The following CENPN variants were observed in gnomAD, a reference collection of about 807,000 sequenced individuals.
The protein encoded by CENPN is centromere protein N.
A neutral mutation model predicts 48.6 loss-of-function variants in CENPN; 36 were observed. The observed-to-expected ratio is 0.74, with a 90% CI of 0.57 to 0.98. CENPN has a LOEUF of 0.98. CENPN is among the 50% of genes least tolerant of loss of function. The probability of loss-of-function intolerance (pLI) is 0.00; values close to 1 mark genes in which losing one functional copy is unlikely to be tolerated. For synonymous variants in CENPN, 166 were observed against 135.2 expected (o/e 1.23, Z -1.58); for missense variants, 439 against 399.2 (o/e 1.10, Z -0.85).
At chr16:81,008,077 A>C (rs879705338) in intron 1 of CENPN, among the ~76,000 whole-genome samples, 4 of 152,106 alleles carry the variant, frequency 2.6e-5, no homozygotes, top group Non-Finnish European at 5.9e-5. Flanking sequence ...ACTGCACTGC[A>C]CCCTGGGCGA....
rs985426119 is a variant in CENPN, at chr16:81,029,944, C to T, written c.*1293C>T. Among the ~76,000 whole-genome samples the T allele has an allele frequency of 2.0e-5, 3 of 152,206 alleles. No homozygotes were observed. Among genetic ancestry groups the T allele is most frequent in the Non-Finnish European group, 2.9e-5 (2 of 68,050 alleles). The stretch of plus-strand genomic sequence containing the variant: ...GAGGCTTAACTGACGCACATTTCCA[C>T]GTGGCCAGGGAGGCCTCACAATCAT... On this transcript the variant is annotated 3_prime_UTR_variant, in exon 11 of 11. Coordinates refer to ENST00000305850, the MANE Select transcript of CENPN (RefSeq NM_001100624.3).
chr16:81,012,120 T>A lies in CENPN; in HGVS notation c.171+10T>A. 2 of 1,612,826 alleles carry A rather than the reference T, an allele frequency of 1.2e-6. No homozygotes were observed. Among genetic ancestry groups the A allele is most frequent in the Non-Finnish European group, 1.7e-6 (2 of 1,179,028 alleles). ...GATCCATCTGTGTGAGGTAACAGTG[T>A]TAAAAATGATGAGCCTTGAACAGAG... is the stretch of plus-strand genomic sequence containing the variant. On this transcript the variant is annotated intron_variant, in intron 2 of 10. Transcript: ENST00000305850.
At position 81,029,354 on chromosome 16, in the gene CENPN, C is replaced by G. The variant is rs995327466; in HGVS notation, c.*703C>G. The G allele has an allele frequency of 3.2e-6, 3 of 931,222 alleles. No individual in the cohort carries two copies. In the African/African-American group the frequency reaches 5.3e-5, roughly 17 times the overall value. The allele number at this position is 931,222 out of a possible 1,614,324, so 57.7% of individuals were successfully genotyped here. On this transcript the variant is annotated 3_prime_UTR_variant, in exon 11 of 11. Coordinates refer to ENST00000305850, the MANE Select transcript of CENPN (RefSeq NM_001100624.3). ...GATCAAAGTACTTCAGTGATCATCA[C>G]TAAATACCCTATCTTTTTAAAAATT...
intron 3 of CENPN, among the ~76,000 whole-genome samples, chr16:81,014,772 G>T (rs1567548471): frequency 6.6e-6 from 1 of 152,192 alleles, no homozygotes; most frequent in Non-Finnish European, 1.5e-5. Flanking sequence ...GTTTGGCTTT[G>T]TATTACTCAG....
intron 3 of CENPN, among the ~76,000 whole-genome samples, chr16:81,016,304 A>C (rs574635542): frequency 6.6e-6 from 1 of 152,330 alleles, no homozygotes; most frequent in East Asian, 1.9e-4. Flanking sequence ...AGTCTAGCCC[A>C]GTTAACATAG....
downstream of CENPN, chr16:81,032,814 C>T: frequency 1.8e-6 from 2 of 1,137,896 alleles, no homozygotes; most frequent in Non-Finnish European, 2.5e-6. Flanking sequence ...CCCTTTGTTA[C>T]TCAAATTTGA....
At chr16:81,012,435 T>C (rs1037408506) in intron 2 of CENPN, among the ~76,000 whole-genome samples, 2 of 152,226 alleles carry the variant, frequency 1.3e-5, no homozygotes, top group Non-Finnish European at 2.9e-5. Flanking sequence ...CCCAGATGTA[T>C]TGGCAAACTT....
chr16:81,008,481 C>G (rs1172405967), intron 1 of CENPN, among the ~76,000 whole-genome samples: 1 of 152,082 alleles, frequency 6.6e-6, no homozygotes, highest in Non-Finnish European at 1.5e-5. Context: ...AGGCTGTTCT[C>G]TTGCCTCAGC....
chr16:81,029,752 T>G lies in CENPN; in HGVS notation c.*1101T>G, dbSNP rs1378815051. On this transcript the variant is annotated 3_prime_UTR_variant, in exon 11 of 11. Coordinates refer to ENST00000305850, the MANE Select transcript of CENPN (RefSeq NM_001100624.3). ...ACCATGCCCAGCTAATTTTTGTATT[T>G]TTAGTAGAGACAGGGTTTCTCCATG... Among the ~76,000 whole-genome samples the G allele has an allele frequency of 1.3e-5, 2 of 152,118 alleles. No individual in the cohort carries two copies. Among genetic ancestry groups the G allele is most frequent in the East Asian group, 3.8e-4 (2 of 5,196 alleles).
intron 6 of CENPN, 198 bp from the exon 7 acceptor site, chr16:81,022,399 G>A: frequency 1.9e-6 from 1 of 538,186 alleles, no homozygotes; most frequent in Non-Finnish European, 3.3e-6. Context: ...ACAAAAGACT[G>A]CATTTATCAG....
rs920746095 is a variant in CENPN at position 81,028,809 on chromosome 16, C to A, written c.*158C>A. On this transcript the variant is annotated 3_prime_UTR_variant, in exon 11 of 11. Coordinates refer to ENST00000305850, the MANE Select transcript of CENPN (RefSeq NM_001100624.3). ...GCTCACATAATTGTTGGGACTGATTCATTCCTCCACGATATGCCTCCTCTC... is the reference window on the plus strand; with the variant it reads ...GCTCACATAATTGTTGGGACTGATTAATTCCTCCACGATATGCCTCCTCTC... 3.6e-5 allele frequency: 50 copies of A among 1,407,910 alleles called. No individual in the cohort carries two copies. Among genetic ancestry groups the A allele is most frequent in the Middle Eastern group, 4.1e-4 (2 of 4,912 alleles). 87.2% of individuals were successfully genotyped at this position (1,407,910 alleles called of 1,614,324 possible).
In CENPN at chr16:81,012,092, C is replaced by T; in HGVS notation, c.153C>T (p.His51=). The change falls in exon 2 of 11, where the codon CAC becomes CAT. Residue 51 remains histidine (H), a synonymous_variant. Transcript: ENST00000305850. ...FRQRKESVVQ[H]LIHLCEEKRA... is the part of the protein sequence containing the mutation. ...AGAGAAAGGAATCTGTAGTTCAGCACTTGATCCATCTGTGTGAGGTAACAG... is the reference window on the plus strand; with the variant it reads ...AGAGAAAGGAATCTGTAGTTCAGCATTTGATCCATCTGTGTGAGGTAACAG... The T allele has an allele frequency of 6.2e-7, 1 of 1,614,096 alleles. No individual in the cohort carries two copies. Among genetic ancestry groups the T allele is most frequent in the Non-Finnish European group, 8.5e-7 (1 of 1,179,996 alleles).
chr16:81,024,700 C>G lies in CENPN; in HGVS notation c.634-15C>G. ...GATGTCAAGATTAGTAAAATATTCA[C>G]TTTTTTTTCCCTAGACCTTTGAAAC... On this transcript the variant is annotated splice_polypyrimidine_tract_variant and intron_variant, in intron 7 of 10. Coordinates refer to ENST00000305850, the MANE Select transcript of CENPN (RefSeq NM_001100624.3). 6.4e-7 allele frequency: 1 copy of G among 1,572,074 alleles called. No individual in the cohort carries two copies. Among genetic ancestry groups the G allele is most frequent in the Non-Finnish European group, 8.7e-7 (1 of 1,151,858 alleles).
intron 8 of CENPN, among the ~76,000 whole-genome samples, chr16:81,025,327 G>C (rs998950447): frequency 6.6e-6 from 1 of 152,142 alleles, no homozygotes; most frequent in Non-Finnish European, 1.5e-5. Flanking sequence ...CAAGAGAAAA[G>C]AGTACAGAAC....
At chr16:81,010,862 A>G (rs1969710972) in intron 1 of CENPN, among the ~76,000 whole-genome samples, 1 of 152,184 alleles carries the variant, frequency 6.6e-6, no homozygotes, top group Admixed American at 6.5e-5. Flanking sequence ...TTAAAAGTGT[A>G]TCCAGAACCT....
chr16:81,022,306 G>T, intron 6 of CENPN: 1 of 336,424 alleles, frequency 3.0e-6, no homozygotes. Flanking sequence ...AACATTTTGA[G>T]TATTTATTGT....
At chr16:81,022,519 C>G (rs942030310) in intron 6 of CENPN, 78 bp from the exon 7 acceptor site, 2 of 1,233,076 alleles carry the variant, frequency 1.6e-6, no homozygotes, top group Non-Finnish European at 2.4e-6. Context: ...AATTGCAGCT[C>G]TTACATTTTA....
intron 1 of CENPN, among the ~76,000 whole-genome samples, chr16:81,009,022 C>T (rs1969631110): frequency 6.6e-6 from 1 of 152,208 alleles, no homozygotes; most frequent in South Asian, 2.1e-4. Context: ...GCCTGACCAA[C>T]ATGGTGAAAC....
chr16:81,022,927 T>C (rs540363571), intron 7 of CENPN: 2 of 1,543,484 alleles, frequency 1.3e-6, no homozygotes, highest in East Asian at 2.3e-5. Context: ...CTGGAGTCTG[T>C]GTTGTAGATC....
Sources: gnomAD v4.1 joint callset for allele counts (sites outside exome capture counted in the v4.1 genomes callset) on GRCh38, gnomAD v4.1.1 for gene constraint, MANE v1.5 for transcripts, NCBI Gene and HGNC (gene_info 2026-07-23, HGNC 2026-07-21) for gene names.